The following DPH6 variants were observed in gnomAD, a reference collection of about 807,000 sequenced individuals.
DPH6 encodes diphthine--ammonia ligase.
In DPH6, 33 loss-of-function variants were observed where a neutral mutation model predicts 38.2. The observed-to-expected ratio is 0.86, with a 90% CI of 0.65 to 1.15. The LOEUF is 1.15. Among genes scored for constraint, DPH6 ranks in the 50% most tolerant of loss-of-function variants. The pLI is 0.00. For synonymous variants in DPH6, 108 were observed against 103.0 expected (o/e 1.05, Z -0.30); for missense variants, 325 against 320.0 (o/e 1.02, Z -0.12).
rs191372918 is a variant in DPH6 at position 35,436,434 on chromosome 15, C to G, written c.505+14251G>C. Among the ~76,000 whole-genome samples, 19 of 147,554 alleles carry G rather than the reference C, an allele frequency of 1.3e-4. No homozygotes were observed. The East Asian group carries it at 3.6e-3, about 28-fold the overall frequency. ...TGAGCCGAGATGGCGCCACTGCGCT[C>G]CAGCCTGGGAGACAGAGTGAGACTC... is the stretch of plus-strand genomic sequence containing the variant. On this transcript the variant is annotated intron_variant, in intron 5 of 8. Transcript: ENST00000256538.
chr15:35,477,989 TA>T (rs1352438844), intron 3 of DPH6, among the ~76,000 whole-genome samples: 11 of 152,062 alleles, frequency 7.2e-5, no homozygotes, highest in African/African-American at 2.6e-4. Flanking sequence ...CTTTGCCTGA[TA>T]AACATGATGA....
chr15:35,355,729 T>C (rs2052554100), intron 3 of DPH6, among the ~76,000 whole-genome samples: 1 of 152,230 alleles, frequency 6.6e-6, no homozygotes, highest in African/African-American at 2.4e-5. Context: ...TTTTCCTTCA[T>C]TTCAACTTTG....
intron 3 of DPH6, among the ~76,000 whole-genome samples, chr15:35,225,737 G>A (rs1426174269): frequency 1.3e-5 from 2 of 152,130 alleles, no homozygotes; most frequent in Non-Finnish European, 2.9e-5. Context: ...GCTGTCACTG[G>A]TGTGTTACCA....
intron 3 of DPH6, among the ~76,000 whole-genome samples, chr15:35,347,030 G>A (rs1382803354): frequency 1.3e-5 from 2 of 152,048 alleles, no homozygotes; most frequent in African/African-American, 4.8e-5. Flanking sequence ...TTACAATCTT[G>A]AGTATTTTTA....
chr15:35,474,138 A>G (rs1408818295), intron 3 of DPH6, among the ~76,000 whole-genome samples: 1 of 152,172 alleles, frequency 6.6e-6, no homozygotes, highest in African/African-American at 2.4e-5. Flanking sequence ...AACAAAAATT[A>G]ACATCAACAT....
At chr15:35,150,848 G>T in the DPH6 span, among the ~76,000 whole-genome samples, 1 of 152,218 alleles carries the variant, frequency 6.6e-6, no homozygotes, top group African/African-American at 2.4e-5. Context: ...CCAAAAATTC[G>T]AATTTCCGTT....
chr15:35,496,567 A>AAATATATATATATATATATATAT, intron 3 of DPH6, among the ~76,000 whole-genome samples: 13 of 31,010 alleles, frequency 4.2e-4, no homozygotes, highest in Non-Finnish European at 6.3e-4. Context: ...AAAAAAAAAA[A>AAATATATATATATATATATATAT]ATATATATAT....
chr15:35,264,378 C>G (rs1337502468), intron 3 of DPH6, among the ~76,000 whole-genome samples: 1 of 152,108 alleles, frequency 6.6e-6, no homozygotes, highest in Non-Finnish European at 1.5e-5. Context: ...AAGCTTTTCT[C>G]AGAACAGCAT....
At chr15:35,147,830 G>C in the DPH6 span, among the ~76,000 whole-genome samples, 2 of 152,182 alleles carry the variant, frequency 1.3e-5, no homozygotes, top group Non-Finnish European at 2.9e-5. Flanking sequence ...AGAAGAACTA[G>C]AGTGATCAGA....
chr15:35,267,396 T>C (rs1304238509), intron 3 of DPH6, among the ~76,000 whole-genome samples: 1 of 152,226 alleles, frequency 6.6e-6, no homozygotes, highest in Admixed American at 6.5e-5. Context: ...CAGCTAGCTC[T>C]CCTCTGCTGC....
chr15:35,417,369 T>C (rs1566902186), intron 5 of DPH6, among the ~76,000 whole-genome samples: 2 of 142,002 alleles, frequency 1.4e-5, no homozygotes, highest in Admixed American at 1.4e-4. Context: ...TTTTAGTATT[T>C]TCTAACTAGA....
chr15:35,384,756 G>A (rs1028738203), intron 6 of DPH6, among the ~76,000 whole-genome samples: 3 of 151,942 alleles, frequency 2.0e-5, no homozygotes, highest in South Asian at 2.1e-4. Flanking sequence ...TGAGGAGAAG[G>A]AACAGCTACA....
intron 3 of DPH6, among the ~76,000 whole-genome samples, chr15:35,503,705 A>C (rs1566933644): frequency 6.6e-6 from 1 of 152,066 alleles, no homozygotes; most frequent in South Asian, 2.1e-4. Context: ...TTATACACAT[A>C]TCTAAATGTC....
rs1331688128 is a variant in DPH6 at position 35,542,068 on chromosome 15, A to G, written c.118+345T>C. Among the ~76,000 whole-genome samples the G allele has an allele frequency of 3.9e-5, 6 of 152,100 alleles. No homozygotes were observed. The East Asian group carries it at 1.2e-3, about 29-fold the overall frequency. On this transcript the variant is annotated intron_variant, in intron 2 of 8. Transcript: ENST00000256538. ...TATCTTATCTACCTCTATGCTGCCT[A>G]CAGTACTTGGGAATGTGGTGGGGTA... is the stretch of plus-strand genomic sequence containing the variant.
At chr15:35,244,969 G>A (rs1182605458) in intron 3 of DPH6, among the ~76,000 whole-genome samples, 1 of 152,160 alleles carries the variant, frequency 6.6e-6, no homozygotes, top group Non-Finnish European at 1.5e-5. Context: ...AACTACCACT[G>A]ATAGGTAGAA....
chr15:35,401,734 G>A (rs2053222584), intron 6 of DPH6: 2 of 718,990 alleles, frequency 2.8e-6, no homozygotes, highest in South Asian at 1.4e-5. Context: ...GGTTCCAGTA[G>A]CAGCGGTAGC....
At chr15:35,158,663 T>C in the DPH6 span, among the ~76,000 whole-genome samples, 4 of 152,116 alleles carry the variant, frequency 2.6e-5, no homozygotes, top group African/African-American at 9.7e-5. Flanking sequence ...GGAAAGCTAT[T>C]TTTCAGCTTT....
intron 3 of DPH6, chr15:35,237,233 C>A: frequency 1.8e-6 from 2 of 1,104,892 alleles, no homozygotes; most frequent in South Asian, 1.2e-5. Context: ...GAGAACTGAG[C>A]GGAGCTGGTT....
intron 3 of DPH6, among the ~76,000 whole-genome samples, chr15:35,336,404 C>T (rs566839021): frequency 1.3e-5 from 2 of 152,192 alleles, no homozygotes; most frequent in East Asian, 3.9e-4. Context: ...TCTCTTTTCA[C>T]TTCATTTCAT....
Sources: gnomAD v4.1 joint callset for allele counts (sites outside exome capture counted in the v4.1 genomes callset) on GRCh38, gnomAD v4.1.1 for gene constraint, MANE v1.5 for transcripts, NCBI Gene and HGNC (gene_info 2026-07-23, HGNC 2026-07-21) for gene names.